The following USO1 variants were observed in gnomAD, a reference collection of about 807,000 sequenced individuals.
The protein encoded by USO1 is USO1 vesicle transport factor.
Under a neutral mutation model 124.5 loss-of-function variants are expected in USO1, and 57 were observed. The ratio of observed to expected loss-of-function variants is 0.46; its 90% CI spans 0.37 to 0.57. The LOEUF (loss-of-function observed/expected upper bound fraction) is 0.57, where lower values mean the gene tolerates loss of function less well. Among genes scored for constraint, USO1 ranks in the 20% least tolerant of loss-of-function variants. USO1 has a pLI of 0.00. For synonymous variants in USO1, 369 were observed against 362.8 expected (o/e 1.02, Z -0.19); for missense variants, 900 against 1,040.6 (o/e 0.86, Z 1.86).
intron 13 of USO1, among the ~76,000 whole-genome samples, chr4:75,794,930 T>G (rs1229047799): frequency 6.6e-6 from 1 of 152,242 alleles, no homozygotes; most frequent in Non-Finnish European, 1.5e-5. Flanking sequence ...CAAATTTTTA[T>G]GTCTTTACTT....
chr4:75,772,186 A>T (rs1206124217), intron 7 of USO1, among the ~76,000 whole-genome samples: 2 of 152,216 alleles, frequency 1.3e-5, no homozygotes, highest in Non-Finnish European at 2.9e-5. Context: ...TGTAATATGT[A>T]TATCAATTCA....
intron 23 of USO1, 111 bp downstream of exon 23, chr4:75,812,486 T>C: frequency 7.6e-7 from 1 of 1,315,576 alleles, no homozygotes; most frequent in Non-Finnish European, 1.0e-6. Flanking sequence ...GGAATGGATA[T>C]GTGGGTTCAT....
chr4:75,792,022 CTT>C (rs35321728), intron 12 of USO1, among the ~76,000 whole-genome samples: 24 of 136,496 alleles, frequency 1.8e-4, no homozygotes, highest in Admixed American at 1.5e-4. Context: ...TGAAATGCTT[CTT>C]TTTTTTTTTT....
chr4:75,726,130 A>G (rs548382343), intron 1 of USO1, among the ~76,000 whole-genome samples: 142 of 152,210 alleles, frequency 9.3e-4, no homozygotes, highest in African/African-American at 3.2e-3. Context: ...AAAAATACAG[A>G]ATTAGCCGGC....
At chr4:75,771,248 G>T (rs893188601) in intron 7 of USO1, 111 bp downstream of exon 7, 2 of 1,257,202 alleles carry the variant, frequency 1.6e-6, no homozygotes, top group South Asian at 1.7e-5. Flanking sequence ...CTGGAGTAAT[G>T]ACCTTTTTTT....
At position 75,770,424 on chromosome 4, in the gene USO1, T is replaced by C; in HGVS notation, c.296-15T>C. ...CTACTATTAAATTGAAATTCTTTAT[T>C]TTTGAATATTACAGAAGAAAATTCC... On this transcript the variant is annotated splice_polypyrimidine_tract_variant and intron_variant, in intron 4 of 23. Coordinates refer to ENST00000514213, the MANE Select transcript of USO1 (RefSeq NM_003715.4). The C allele has an allele frequency of 6.6e-7, 1 of 1,514,650 alleles. No homozygotes were observed. Among genetic ancestry groups the C allele is most frequent in the Non-Finnish European group, 8.8e-7 (1 of 1,130,604 alleles). The allele number at this position is 1,514,650 out of a possible 1,614,324, so 93.8% of individuals were successfully genotyped here. A position where few individuals can be genotyped will look rare whatever the true frequency, so the allele number is the denominator to read the frequency against.
intron 13 of USO1, among the ~76,000 whole-genome samples, chr4:75,798,247 T>G (rs1372346270): frequency 1.3e-5 from 2 of 152,214 alleles, no homozygotes; most frequent in South Asian, 2.1e-4. Flanking sequence ...TTTTTTTTAC[T>G]CATACATCAG....
intron 12 of USO1, among the ~76,000 whole-genome samples, chr4:75,791,670 G>A (rs544042347): frequency 2.6e-5 from 4 of 152,030 alleles, no homozygotes; most frequent in Non-Finnish European, 4.4e-5. Flanking sequence ...TTTTTTAAAT[G>A]TTTACCTTTG....
rs1288768213 is a variant in USO1, at chr4:75,801,785, T to A, written c.1986+585T>A. ...CCCTTTAAATTGACAACTGTTTATA[T>A]CTTATTTTCTTCCTCACAATCTACA... On this transcript the variant is annotated intron_variant, in intron 17 of 23. Transcript: ENST00000514213. Among the ~76,000 whole-genome samples the A allele has an allele frequency of 2.0e-5, 3 of 152,300 alleles. No individual in the cohort carries two copies. In the South Asian group the frequency reaches 6.2e-4, roughly 32 times the overall value.
At chr4:75,734,712 G>A (rs1720737079) in intron 1 of USO1, among the ~76,000 whole-genome samples, 1 of 106,044 alleles carries the variant, frequency 9.4e-6, no homozygotes. Flanking sequence ...GCTTTGGGCA[G>A]TATGGCTTTT....
At position 75,725,059 on chromosome 4, in the gene USO1, C is replaced by T. The variant is rs953450596; in HGVS notation, c.66+174C>T. The T allele has an allele frequency of 4.2e-6, 3 of 715,438 alleles. No homozygotes were observed. The Admixed American group carries it at 8.8e-5, about 21-fold the overall frequency. The allele number at this position is 715,438 out of a possible 1,614,324, so 44.3% of individuals were successfully genotyped here. The stretch of plus-strand genomic sequence containing the variant: ...AAATCCCAGAGTTATTCAATCACGC[C>T]CCCAGCTCAGTCCCCATTGCTGCCG... On this transcript the variant is annotated intron_variant, in intron 1 of 23. Transcript: ENST00000514213.
rs756954975 is a variant in USO1 at position 75,808,942 on chromosome 4, T to C, written c.2377-11T>C. The C allele has an allele frequency of 1.3e-6, 2 of 1,583,594 alleles. No homozygotes were observed. The highest frequency in any genetic ancestry group is 3.7e-5 in the Admixed American group (2 of 54,506). ...ATTTAATGTTATGACTCAACTATTT[T>C]TGTCTCTTAGGAACTGGCAACTTTA... On this transcript the variant is annotated splice_polypyrimidine_tract_variant and intron_variant, in intron 20 of 23. Transcript: ENST00000514213.
Position 75,740,002 on chromosome 4 carries a change from C to T in USO1, c.67-12371C>T, listed in dbSNP as rs560144926. The stretch of plus-strand genomic sequence containing the variant: ...AGGCATGTGTTATAGTGCTGTTGGC[C>T]ATGAGATCAATATTAATGGTCAAGG... On this transcript the variant is annotated intron_variant, in intron 1 of 23. Coordinates refer to ENST00000514213, the MANE Select transcript of USO1 (RefSeq NM_003715.4). Among the ~76,000 whole-genome samples the T allele has an allele frequency of 4.6e-5, 7 of 152,174 alleles. No individual in the cohort carries two copies. In the East Asian group the frequency reaches 1.4e-3, roughly 29 times the overall value.
chr4:75,812,382 T>C lies in USO1; in HGVS notation c.2799+7T>C, dbSNP rs1313690210. ...CAAGGATCTTGGTCATCCAGTAAGA[T>C]TAAAATGTCTCCAAAAATGATTTGT... is the stretch of plus-strand genomic sequence containing the variant. On this transcript the variant is annotated splice_region_variant and intron_variant, in intron 23 of 23. Transcript: ENST00000514213. The C allele has an allele frequency of 1.3e-6, 2 of 1,559,988 alleles. No homozygotes were observed. The highest frequency in any genetic ancestry group is 4.6e-5 in the East Asian group (2 of 43,326).
Position 75,770,880 on chromosome 4 carries a change from A to T in USO1, c.455A>T (p.Gln152Leu), listed in dbSNP as rs768503331. The T allele has an allele frequency of 6.2e-6, 10 of 1,613,846 alleles. No individual in the cohort carries two copies. In the Admixed American group the frequency reaches 1.7e-4, roughly 27 times the overall value. ...AAGCTTCTTACTTCTCTTTTAAAAC[A>T]ACTAGGGCCTCAGGTGCAACAAATT... ...GVKLLTSLLK[Q>L]LGPQVQQIIL... Residue 152 changes from glutamine to leucine, a missense_variant, in exon 6 of 24, where the codon CAA becomes CTA. By Grantham distance (113) the Gln-to-Leu change is moderately radical. Transcript: ENST00000514213.
chr4:75,801,289 AAG>A (rs1722844405), intron 17 of USO1, 89 bp downstream of exon 17: 1 of 1,406,396 alleles, frequency 7.1e-7, no homozygotes, highest in Non-Finnish European at 9.3e-7. Flanking sequence ...TTTCAAATGA[AAG>A]AGGATATAGA....
intron 8 of USO1, among the ~76,000 whole-genome samples, chr4:75,780,997 A>G (rs1229833306): frequency 6.6e-6 from 1 of 152,148 alleles, no homozygotes; most frequent in Non-Finnish European, 1.5e-5. Context: ...ATAAGGCTAT[A>G]GCTACATAGA....
At position 75,724,606 on chromosome 4, in the gene USO1, C is replaced by A; in HGVS notation, c.-214C>A. On this transcript the variant is annotated 5_prime_UTR_variant, in exon 1 of 24. Coordinates refer to ENST00000514213, the MANE Select transcript of USO1 (RefSeq NM_003715.4). ...TTTGCCTTCAACCTTCGAGCCGCCA[C>A]GTAATGCCACGTCCCCGCGCATGCG... The A allele has an allele frequency of 1.1e-5, 6 of 569,830 alleles. No individual in the cohort carries two copies. The highest frequency in any genetic ancestry group is 1.9e-5 in the Non-Finnish European group (6 of 319,644). 35.3% of individuals were successfully genotyped at this position (569,830 alleles called of 1,614,324 possible). A position where few individuals can be genotyped will look rare whatever the true frequency, so the allele number is the denominator to read the frequency against.
intron 4 of USO1, among the ~76,000 whole-genome samples, chr4:75,762,816 T>C (rs929038118): frequency 1.3e-5 from 2 of 152,020 alleles, no homozygotes; most frequent in East Asian, 3.9e-4. Context: ...TAGTCCCAGC[T>C]ACTTGGGAGG....
Sources: allele counts gnomAD v4.1 joint callset (sites outside exome capture counted in the v4.1 genomes callset), GRCh38; gene constraint gnomAD v4.1.1; transcripts MANE v1.5; gene names NCBI Gene and HGNC (gene_info 2026-07-23, HGNC 2026-07-21).